The following UBQLN4 variants were observed in gnomAD, a reference collection of about 807,000 sequenced individuals.
The protein encoded by UBQLN4 is ubiquilin 4.
UBQLN4 carries 11 observed loss-of-function variants against 60.4 expected under a neutral mutation model. The ratio of observed to expected loss-of-function variants is 0.18; its 90% CI spans 0.11 to 0.30. The LOEUF is 0.30. UBQLN4 is among the 10% of genes least tolerant of loss of function. The probability of loss-of-function intolerance (pLI) is 1.00; values close to 1 mark genes in which losing one functional copy is unlikely to be tolerated. For missense variants in UBQLN4, 417 were observed against 795.5 expected, an observed-to-expected ratio of 0.52 and a Z score of 5.72; for synonymous variants, 258 against 313.1, an observed-to-expected ratio of 0.82 and a Z score of 1.86.
rs775562211 is a variant in UBQLN4 at position 156,051,202 on chromosome 1, G to A, written c.386C>T (p.Ser129Leu). Reference protein sequence around the residue: ...AQPSTSGSASSDAGSGSRRSS... With the variant: ...AQPSTSGSASLDAGSGSRRSS... Reference sequence around the variant, plus strand: ...CCTCCGGCTTCCACTGCCAGCATCTGAAGAGGCACTGCCAGAGGTGGAGGG... The same window carrying A: ...CCTCCGGCTTCCACTGCCAGCATCTAAAGAGGCACTGCCAGAGGTGGAGGG... The change falls in exon 3 of 11, where the codon TCA (serine) becomes TTA (leucine). Residue 129 changes from serine to leucine, a missense_variant. Ser to Leu is a moderately radical substitution (Grantham distance 145). Transcript: ENST00000368309. 16 of 1,611,422 alleles carry A rather than the reference G, an allele frequency of 9.9e-6. No homozygotes were observed. Among genetic ancestry groups the A allele is most frequent in the Admixed American group, 3.3e-5 (2 of 59,756 alleles).
In UBQLN4 at chr1:156,044,101, C is replaced by T. The variant is rs1683638104; in HGVS notation, c.1023G>A (p.Gln341=). ...TGCCCTCCCCACCGGACCCGGGGGCCTGGGAGGTGGGGGGCGAGGGGCTCC... is the reference window on the plus strand; with the variant it reads ...TGCCCTCCCCACCGGACCCGGGGGCTTGGGAGGTGGGGGGCGAGGGGCTCC... The part of the protein sequence containing the change: ...NPWSPSPPTS[Q]APGSGGEGTG... The change falls in exon 6 of 11, where the codon CAG becomes CAA. Residue 341 remains glutamine (Q), a synonymous_variant. Transcript: ENST00000368309. 6.3e-7 allele frequency: 1 copy of T among 1,591,254 alleles called. No individual in the cohort carries two copies. Among genetic ancestry groups the T allele is most frequent in the Non-Finnish European group, 8.6e-7 (1 of 1,168,996 alleles).
downstream of UBQLN4, among the ~76,000 whole-genome samples, chr1:156,033,965 TC>T (rs144949422): frequency 1.4e-4 from 21 of 152,114 alleles, no homozygotes; most frequent in East Asian, 4.1e-3. Context: ...AGAGTTTCTT[TC>T]CCCTCTGGGT....
At chr1:156,033,421 T>G, downstream of UBQLN4, 1 of 414,898 alleles carries the variant, frequency 2.4e-6, no homozygotes, top group South Asian at 1.0e-4. Context: ...ATGTATTCAA[T>G]CCCTGCCCCA....
intron 8 of UBQLN4, 70 bp from the exon 9 acceptor site, chr1:156,042,057 C>T (rs1683582328): frequency 1.9e-5 from 30 of 1,611,604 alleles, no homozygotes; most frequent in Non-Finnish European, 2.1e-5. Flanking sequence ...AACTAGGAGT[C>T]CAGAGTCAAG....
intron 10 of UBQLN4, among the ~76,000 whole-genome samples, chr1:156,038,490 A>G (rs1683463816): frequency 6.6e-6 from 1 of 151,736 alleles, no homozygotes; most frequent in Non-Finnish European, 1.5e-5. Context: ...CGATACCCCG[A>G]GACTAAAGAT....
At position 156,044,203 on chromosome 1, in the gene UBQLN4, A is replaced by G. The variant is rs2102746854; in HGVS notation, c.921T>C (p.Ser307=). Residue 307 remains serine, a synonymous_variant, in exon 6 of 11, where the codon TCT becomes TCC. Coordinates refer to ENST00000368309, the MANE Select transcript of UBQLN4 (RefSeq NM_020131.5). ...AREQFGNNPF[S]SLAGNSDSSS... Reference sequence around the variant, plus strand: ...AGCTGTCGGAGTTCCCGGCCAGGGAAGAGAAGGGATTGTTGCCAAACTGGG... The same window carrying G: ...AGCTGTCGGAGTTCCCGGCCAGGGAGGAGAAGGGATTGTTGCCAAACTGGG... 1 of 1,567,090 alleles carries G rather than the reference A, an allele frequency of 6.4e-7. No individual in the cohort carries two copies. The highest frequency in any genetic ancestry group is 2.4e-5 in the East Asian group (1 of 42,480).
chr1:156,043,015 A>G (rs1683608863), intron 6 of UBQLN4, 102 bp from the exon 7 acceptor site: 1 of 1,452,338 alleles, frequency 6.9e-7, no homozygotes, highest in Non-Finnish European at 9.2e-7. Flanking sequence ...AATGACTACA[A>G]AACTCAGAAA....
chr1:156,037,210 C>G (rs530267106), intron 10 of UBQLN4, 80 bp from the exon 11 acceptor site: 1 of 1,532,488 alleles, frequency 6.5e-7, no homozygotes, highest in African/African-American at 1.4e-5. Flanking sequence ...CTAAGACCAG[C>G]AGGTCTTCTC....
chr1:156,043,048 T>C (rs1683609706), intron 6 of UBQLN4, 135 bp from the exon 7 acceptor site: 1 of 1,233,900 alleles, frequency 8.1e-7, no homozygotes, highest in Admixed American at 2.7e-5. Flanking sequence ...GTGGGCACCC[T>C]AGGATTGTGG....
chr1:156,042,577 A>T, intron 7 of UBQLN4, 197 bp downstream of exon 7: 1 of 1,056,382 alleles, frequency 9.5e-7, no homozygotes, highest in South Asian at 1.8e-5. Context: ...AGGAGGTAGG[A>T]ACTATTGTTA....
chr1:156,041,831 G>A (rs1183942710), intron 9 of UBQLN4, 41 bp downstream of exon 9: 1 of 1,561,066 alleles, frequency 6.4e-7, no homozygotes, highest in Non-Finnish European at 8.7e-7. Flanking sequence ...AAGGGGAGAA[G>A]TTGCTAGAAC....
chr1:156,040,127 C>G (rs996140026), intron 10 of UBQLN4, among the ~76,000 whole-genome samples: 5 of 151,726 alleles, frequency 3.3e-5, no homozygotes, highest in Non-Finnish European at 7.4e-5. Context: ...GGTGTGGTGG[C>G]TCACGCCTAT....
At chr1:156,042,558 C>T (rs776724407) in intron 7 of UBQLN4, 4 of 1,065,234 alleles carry the variant, frequency 3.8e-6, no homozygotes, top group Non-Finnish European at 5.2e-6. Flanking sequence ...ATTTAATCCT[C>T]ACAACTATAG....
At chr1:156,053,527 G>A (rs1307045381) in intron 1 of UBQLN4, 67 bp downstream of exon 1, 2 of 1,124,942 alleles carry the variant, frequency 1.8e-6, no homozygotes, top group African/African-American at 3.3e-5. Flanking sequence ...CGGACCGTCA[G>A]AGAGGCCCCC....
At chr1:156,033,939 A>G (rs1337682156), downstream of UBQLN4, among the ~76,000 whole-genome samples, 1 of 151,892 alleles carries the variant, frequency 6.6e-6, no homozygotes, top group Non-Finnish European at 1.5e-5. Flanking sequence ...CTCCAGGTCA[A>G]AGGCAGCCAG....
chr1:156,039,860 C>G (rs545551192), intron 10 of UBQLN4, among the ~76,000 whole-genome samples: 1 of 141,332 alleles, frequency 7.1e-6, no homozygotes, highest in East Asian at 2.1e-4. Flanking sequence ...TGGCCTAAAC[C>G]CAGGAGGCGG....
intron 10 of UBQLN4, among the ~76,000 whole-genome samples, chr1:156,039,880 T>C (rs1471428633): frequency 2.4e-5 from 3 of 125,640 alleles, no homozygotes; most frequent in Non-Finnish European, 3.1e-5. Context: ...GAGCTTGCAG[T>C]GAGCTGAGAT....
chr1:156,043,700 CCT>C (rs1172655151), intron 6 of UBQLN4, among the ~76,000 whole-genome samples: 2 of 152,158 alleles, frequency 1.3e-5, no homozygotes, highest in Middle Eastern at 3.2e-3. Flanking sequence ...TCTCCAGCCC[CCT>C]CTCCCCACAG....
At chr1:156,034,296 C>CTTTTTT (rs59303673), downstream of UBQLN4, among the ~76,000 whole-genome samples, 3 of 123,372 alleles carry the variant, frequency 2.4e-5, no homozygotes, top group Non-Finnish European at 4.8e-5. Context: ...TTTTGTTTTA[C>CTTTTTT]TTTTTTTTTT....
Sources: gnomAD v4.1 joint callset for allele counts (sites outside exome capture counted in the v4.1 genomes callset) on GRCh38, gnomAD v4.1.1 for gene constraint, MANE v1.5 for transcripts, NCBI Gene and HGNC (gene_info 2026-07-23, HGNC 2026-07-21) for gene names.